The following NLGN4X variants were observed in gnomAD, a reference collection of about 807,000 sequenced individuals.
NLGN4X encodes neuroligin-4, X-linked.
NLGN4X carries 3 observed loss-of-function variants against 40.3 expected under a neutral mutation model. The ratio of observed to expected loss-of-function variants is 0.07; its 90% confidence interval spans 0.03 to 0.19. NLGN4X has a LOEUF of 0.19. Among genes scored for constraint, NLGN4X ranks in the 10% least tolerant of loss-of-function variants. The probability of loss-of-function intolerance (pLI) is 1.00; values close to 1 mark genes in which losing one functional copy is unlikely to be tolerated. For missense variants in NLGN4X, 382 were observed against 708.3 expected (o/e 0.54, Z 5.23); for synonymous variants, 270 against 306.8 (o/e 0.88, Z 1.25).
intron 2 of NLGN4X, among the ~76,000 whole-genome samples, chrX:6,078,909 T>C (rs1454543666): frequency 1.8e-5 from 2 of 111,371 alleles, no homozygotes; most frequent in Admixed American, 1.9e-4. Context: ...TCCCCCACGA[T>C]GTTCTCATGA....
At chrX:6,191,140 G>A (rs191040851) in intron 1 of NLGN4X, among the ~76,000 whole-genome samples, 286 of 109,744 alleles carry the variant, frequency 2.6e-3, no homozygotes, top group African/African-American at 9.0e-3. Context: ...TAATCCGAAA[G>A]CACTGCTAGA....
chrX:6,064,908 A>G (rs991501508), intron 2 of NLGN4X, among the ~76,000 whole-genome samples: 8 of 111,432 alleles, frequency 7.2e-5, no homozygotes, highest in African/African-American at 2.6e-4. Context: ...GTGGTGTAAT[A>G]TACATCATGG....
chrX:6,219,039 T>C (rs1011258978), intron 1 of NLGN4X, among the ~76,000 whole-genome samples: 1 of 38,655 alleles, frequency 2.6e-5, no homozygotes, highest in African/African-American at 1.2e-4. Context: ...TATACATCTA[T>C]AATAAATATA....
Position 5,991,473 on chromosome X carries a change from G to C in NLGN4X, c.625+37807C>G, listed in dbSNP as rs954345282. 5.8e-6 allele frequency: 3 copies of C among 518,873 alleles called. No individual in the cohort carries two copies. In the African/African-American group the frequency reaches 7.0e-5, roughly 12 times the overall value. The allele number at this position is 518,873 out of a possible 1,213,427, so 42.8% of individuals were successfully genotyped here. A position where few individuals can be genotyped will look rare whatever the true frequency, so the allele number is the denominator to read the frequency against. ...ACTTGCAACCCCATGGTGCCTGCAG[G>C]TGCAGCTGACAACGATGCTTGCAGT... On this transcript the variant is annotated intron_variant, in intron 3 of 5. Coordinates refer to ENST00000381095, the MANE Select transcript of NLGN4X (RefSeq NM_181332.3).
intron 2 of NLGN4X, among the ~76,000 whole-genome samples, chrX:6,054,780 C>A (rs949976577): frequency 1.8e-5 from 2 of 110,665 alleles, no homozygotes; most frequent in Non-Finnish European, 3.8e-5. Context: ...GCCTCAGCCT[C>A]CCGAGTAGCT....
At chrX:6,091,613 T>G (rs775939961) in intron 2 of NLGN4X, among the ~76,000 whole-genome samples, 3 of 111,862 alleles carry the variant, frequency 2.7e-5, no homozygotes, top group East Asian at 5.6e-4. Context: ...CCATTACCAT[T>G]TTAATTATAT....
intron 2 of NLGN4X, among the ~76,000 whole-genome samples, chrX:6,079,960 T>A (rs993458983): frequency 6.3e-5 from 7 of 111,113 alleles, no homozygotes; most frequent in African/African-American, 2.0e-4. Context: ...ATGGACTCCA[T>A]CTTCTCTGTG....
intron 1 of NLGN4X, among the ~76,000 whole-genome samples, chrX:6,163,062 A>G (rs2040431235): frequency 9.0e-6 from 1 of 111,492 alleles, no homozygotes; most frequent in African/African-American, 3.3e-5. Flanking sequence ...AGTTCCCCTG[A>G]ACAAGCTCTC....
At chrX:6,032,476 T>G (rs969180877) in intron 2 of NLGN4X, among the ~76,000 whole-genome samples, 3 of 109,892 alleles carry the variant, frequency 2.7e-5, no homozygotes, top group African/African-American at 9.9e-5. Context: ...AAACAATGTT[T>G]ATACTTCTCA....
At chrX:6,157,700 C>CTCCCTGGGGTATCTT (rs1158009076) in intron 1 of NLGN4X, among the ~76,000 whole-genome samples, 18 of 111,305 alleles carry the variant, frequency 1.6e-4, no homozygotes, top group African/African-American at 5.2e-4. Flanking sequence ...GGCAAGGAAT[C>CTCCCTGGGGTATCTT]TCCCTGGGGT....
chrX:6,082,962 T>G (rs982950117), intron 2 of NLGN4X, among the ~76,000 whole-genome samples: 2 of 86,701 alleles, frequency 2.3e-5, no homozygotes, highest in Non-Finnish European at 4.6e-5. Flanking sequence ...TTTTCTTTTT[T>G]TTTTTTTTTT....
intron 1 of NLGN4X, among the ~76,000 whole-genome samples, chrX:6,179,749 C>G (rs144201926): frequency 0.024 from 2,630 of 111,842 alleles, 77 homozygotes; most frequent in African/African-American, 0.078. Flanking sequence ...AAGAGACAGA[C>G]TGGTCTTCTC....
intron 1 of NLGN4X, among the ~76,000 whole-genome samples, chrX:6,168,364 G>A (rs1373396731): frequency 8.9e-6 from 1 of 112,413 alleles, no homozygotes; most frequent in Non-Finnish European, 1.9e-5. Flanking sequence ...ATACTAAAGC[G>A]TCATAGACTG....
At chrX:6,147,041 C>G (rs2040063723) in intron 2 of NLGN4X, among the ~76,000 whole-genome samples, 1 of 111,828 alleles carries the variant, frequency 8.9e-6, no homozygotes, top group African/African-American at 3.3e-5. Flanking sequence ...ATCCACCCAC[C>G]ATGACCTCCC....
At chrX:6,015,072 C>T (rs1037254621) in intron 3 of NLGN4X, among the ~76,000 whole-genome samples, 1 of 111,838 alleles carries the variant, frequency 8.9e-6, no homozygotes, top group African/African-American at 3.2e-5. Flanking sequence ...AATTTAGCAC[C>T]CTTCTCTACT....
chrX:6,217,644 A>G (rs1343612457), intron 1 of NLGN4X, among the ~76,000 whole-genome samples: 1 of 111,371 alleles, frequency 9.0e-6, no homozygotes, highest in Non-Finnish European at 1.9e-5. Context: ...TTCCCTCACT[A>G]GGGTTGGTTG....
At chrX:6,120,107 C>G (rs1030312251) in intron 2 of NLGN4X, among the ~76,000 whole-genome samples, 8 of 111,055 alleles carry the variant, frequency 7.2e-5, no homozygotes, top group African/African-American at 2.6e-4. Flanking sequence ...CACTGAAGCC[C>G]GAAGCTGCAA....
At chrX:5,913,059 GAAGGAAGGAAGA>G (rs1348995959) in intron 3 of NLGN4X, among the ~76,000 whole-genome samples, 6 of 100,628 alleles carry the variant, frequency 6.0e-5, no homozygotes. Flanking sequence ...GGGAAGGAAG[GAAGGAAGGAAGA>G]AAGGAAGGAA....
At chrX:6,028,816 C>G (rs1018835099) in intron 3 of NLGN4X, among the ~76,000 whole-genome samples, 4 of 112,257 alleles carry the variant, frequency 3.6e-5, no homozygotes, top group Non-Finnish European at 7.5e-5. Context: ...TGCAATGGAA[C>G]CAAAACAACA....
Sources: gnomAD v4.1 joint callset for allele counts (sites outside exome capture counted in the v4.1 genomes callset) on GRCh38, gnomAD v4.1.1 for gene constraint, MANE v1.5 for transcripts, NCBI Gene and HGNC (gene_info 2026-07-23, HGNC 2026-07-21) for gene names.